The following ADCY9 variants were observed in gnomAD, a reference collection of about 807,000 sequenced individuals.
The protein encoded by ADCY9 is adenylate cyclase 9.
ADCY9 carries 50 observed loss-of-function variants against 101.5 expected under a neutral mutation model. The ratio of observed to expected loss-of-function variants is 0.49; its 90% CI spans 0.39 to 0.62. ADCY9 has a LOEUF of 0.62. ADCY9 is among the 20% of genes least tolerant of loss of function. The pLI is 0.00. For missense variants in ADCY9, 1,662 were observed against 1,800.4 expected, an observed-to-expected ratio of 0.92 and a Z score of 1.39; for synonymous variants, 905 against 769.3, an observed-to-expected ratio of 1.18 and a Z score of -2.92.
intron 2 of ADCY9, among the ~76,000 whole-genome samples, chr16:4,020,235 C>T (rs1163961824): frequency 6.6e-6 from 1 of 152,090 alleles, no homozygotes; most frequent in African/African-American, 2.4e-5. Flanking sequence ...TTAATGATTT[C>T]AATTATAATT....
chr16:4,114,417 T>G lies in ADCY9; in HGVS notation c.1026A>C (p.Ile342=). 1 of 1,614,190 alleles carries G rather than the reference T, an allele frequency of 6.2e-7. No individual in the cohort carries two copies. Among genetic ancestry groups the G allele is most frequent in the Non-Finnish European group, 8.5e-7 (1 of 1,180,044 alleles). The change falls in exon 2 of 11, where the codon ATA becomes ATC. Residue 342 remains isoleucine (I), a synonymous_variant. Transcript: ENST00000294016. The surrounding 1 kb of genome is among the most constrained non-coding windows in gnomAD (Gnocchi z 4.3). ...CTCCCTGCTTCATTAAGTCATCGGC[T>G]ATGATTCTTGGCATCACGGAATGAA... is the stretch of plus-strand genomic sequence containing the variant. ...RMIHSVMPRI[I]ADDLMKQGDE...
intron 3 of ADCY9, among the ~76,000 whole-genome samples, chr16:4,006,977 A>G (rs745747789): frequency 1.7e-4 from 26 of 152,228 alleles, no homozygotes; most frequent in Non-Finnish European, 3.7e-4. Flanking sequence ...ACGTAGAAGT[A>G]TTTGAGAAAG....
intron 2 of ADCY9, among the ~76,000 whole-genome samples, chr16:4,011,610 A>G (rs2056404866): frequency 1.3e-5 from 2 of 152,196 alleles, no homozygotes; most frequent in African/African-American, 4.8e-5. Flanking sequence ...GGGGCCTCGG[A>G]GTCGGGTCCA....
intron 2 of ADCY9, among the ~76,000 whole-genome samples, chr16:4,078,186 T>C (rs1347522575): frequency 6.6e-6 from 1 of 152,182 alleles, no homozygotes; most frequent in Non-Finnish European, 1.5e-5. Context: ...CTTGTGAATG[T>C]TCACAGCAAC....
intron 2 of ADCY9, among the ~76,000 whole-genome samples, chr16:4,069,185 C>G (rs1049167367): frequency 2.0e-5 from 3 of 152,110 alleles, no homozygotes. Flanking sequence ...CCTCTCACCA[C>G]CAACAACTAG....
intron 6 of ADCY9, among the ~76,000 whole-genome samples, chr16:3,984,660 G>A (rs960206194): frequency 7.2e-5 from 11 of 152,210 alleles, no homozygotes; most frequent in African/African-American, 2.7e-4. Flanking sequence ...AGAGGAAGGT[G>A]TAGGATCCAA....
rs781719357 is a variant in ADCY9 at position 4,115,140 on chromosome 16, C to T, written c.303G>A (p.Glu101=). Reference sequence around the variant, plus strand: ...GGAAGCAGCGCTCCAGGCAGGCCTCCTCCAGGTTCACCGAGTCGAACTTGG... The same window carrying T: ...GGAAGCAGCGCTCCAGGCAGGCCTCTTCCAGGTTCACCGAGTCGAACTTGG... The part of the protein sequence containing the change: ...WDPKFDSVNL[E]EACLERCFPQ... Residue 101 remains glutamate, a synonymous_variant, in exon 2 of 11, where the codon GAG becomes GAA. Transcript: ENST00000294016. This position sits in a 1 kb window ranked among gnomAD's most constrained non-coding sequence, Gnocchi z 6.2. The T allele has an allele frequency of 1.2e-6, 2 of 1,613,860 alleles. No homozygotes were observed. Among genetic ancestry groups the T allele is most frequent in the South Asian group, 1.1e-5 (1 of 91,082 alleles).
chr16:3,996,985 C>A (rs2056292330), intron 3 of ADCY9, among the ~76,000 whole-genome samples: 1 of 152,154 alleles, frequency 6.6e-6, no homozygotes, highest in Non-Finnish European at 1.5e-5. Context: ...CTGCCTCAAC[C>A]TCCTGAGTAG....
intron 2 of ADCY9, among the ~76,000 whole-genome samples, chr16:4,103,561 G>A (rs1379842043): frequency 6.6e-6 from 1 of 152,244 alleles, no homozygotes. Flanking sequence ...CGGGCATAGT[G>A]GCTCACGCCT....
At chr16:3,953,437 A>G (rs1045701277) in exon 6 of ADCY9, 1 of 152,128 alleles carries the variant, frequency 6.6e-6, no homozygotes, top group East Asian at 1.9e-4. Context: ...CAAATTTACA[A>G]TTAGGCTCCT....
intron 2 of ADCY9, among the ~76,000 whole-genome samples, chr16:4,063,395 A>G (rs930643392): frequency 6.6e-6 from 1 of 152,236 alleles, no homozygotes. Flanking sequence ...GGAAAAAAAA[A>G]AGAAAAGTCT....
chr16:4,054,234 G>T (rs2141152815), intron 2 of ADCY9: 1 of 152,260 alleles, frequency 6.6e-6, no homozygotes, highest in African/African-American at 2.4e-5. Context: ...GAGACAATGG[G>T]ATCAGGAAAC....
intron 2 of ADCY9, among the ~76,000 whole-genome samples, chr16:4,079,462 G>C (rs945906418): frequency 3.4e-4 from 51 of 152,210 alleles, no homozygotes; most frequent in African/African-American, 1.2e-3. Context: ...CCAGCTACTG[G>C]GGAGTCTGAG....
chr16:3,999,941 G>C (rs1296617798), intron 3 of ADCY9, among the ~76,000 whole-genome samples: 1 of 152,180 alleles, frequency 6.6e-6, no homozygotes, highest in Non-Finnish European at 1.5e-5. Context: ...TAAGCCAACA[G>C]CTGTCCCTTT....
intron 7 of ADCY9, 107 bp downstream of exon 7, chr16:3,983,125 C>T (rs1377166100): frequency 1.9e-6 from 2 of 1,071,804 alleles, no homozygotes; most frequent in Admixed American, 2.7e-5. Flanking sequence ...AATCAGCCAG[C>T]AGGGACAGCT....
chr16:4,107,594 C>A (rs2057085926), intron 2 of ADCY9, among the ~76,000 whole-genome samples: 1 of 139,324 alleles, frequency 7.2e-6, no homozygotes, highest in African/African-American at 2.7e-5. Flanking sequence ...CAGTGCAGGT[C>A]AACACAGAAT....
intron 7 of ADCY9, chr16:3,982,089 G>A (rs2056148464): frequency 6.6e-6 from 1 of 152,544 alleles, no homozygotes; most frequent in Non-Finnish European, 1.5e-5. Context: ...CTGCTCGCTG[G>A]GGGTGATGGG....
chr16:4,009,647 C>G (rs974711876), intron 2 of ADCY9, among the ~76,000 whole-genome samples: 1 of 152,180 alleles, frequency 6.6e-6, no homozygotes, highest in African/African-American at 2.4e-5. Context: ...TGCACAGGAT[C>G]AATCACGACT....
intron 2 of ADCY9, among the ~76,000 whole-genome samples, chr16:4,075,990 GA>G (rs1159232622): frequency 6.6e-6 from 1 of 152,168 alleles, no homozygotes. Context: ...TCTAGTTAAT[GA>G]GGAGAAAAGG....
Sources: allele counts gnomAD v4.1 joint callset (sites outside exome capture counted in the v4.1 genomes callset), GRCh38; gene constraint gnomAD v4.1.1; non-coding constraint Gnocchi (gnomAD v3.1); transcripts MANE v1.5; gene names NCBI Gene and HGNC (gene_info 2026-07-23, HGNC 2026-07-21).